AHI1: variants seen among roughly 807,000 people sequenced by gnomAD.
AHI1 encodes Abelson helper integration site 1, also known as jouberin.
In AHI1, 123 loss-of-function variants were observed where a neutral mutation model predicts 149.3. That is an observed-to-expected ratio of 0.82 (90% CI 0.71 to 0.96). The LOEUF (loss-of-function observed/expected upper bound fraction) is 0.96, where lower values mean the gene tolerates loss of function less well. Ranked by LOEUF, AHI1 falls within the 40% of genes least tolerant of loss-of-function variation. The pLI is 0.00. For synonymous variants in AHI1, 475 were observed against 459.8 expected (o/e 1.03, Z -0.42); for missense variants, 1,439 against 1,422.7 (o/e 1.01, Z -0.18).
intron 3 of AHI1, chr6:135,492,533 CAAAA>C (rs1004046438): frequency 2.0e-6 from 2 of 982,106 alleles, no homozygotes; most frequent in Non-Finnish European, 2.4e-6. Context: ...ATATTTGAAA[CAAAA>C]AAAACATTTT....
At chr6:135,394,237 C>T (rs2614265) in intron 23 of AHI1, among the ~76,000 whole-genome samples, 90,243 of 151,848 alleles carry the variant, frequency 0.59, 26,951 homozygotes, top group Middle Eastern at 0.71. Context: ...TTTCCTTTGA[C>T]ATCCTTTAAA....
intron 2 of AHI1, among the ~76,000 whole-genome samples, chr6:135,496,452 G>A (rs941840006): frequency 2.0e-5 from 3 of 152,154 alleles, no homozygotes; most frequent in African/African-American, 7.2e-5. Flanking sequence ...CAGCAAACAT[G>A]ATAGAATTAA....
intron 23 of AHI1, among the ~76,000 whole-genome samples, chr6:135,377,573 TG>T (rs1776131846): frequency 6.6e-6 from 1 of 151,996 alleles, no homozygotes; most frequent in African/African-American, 2.4e-5. Context: ...CTTGATCTCC[TG>T]GGCTCAAGTG....
At chr6:135,375,188 A>G (rs1775725381) in intron 23 of AHI1, among the ~76,000 whole-genome samples, 1 of 152,156 alleles carries the variant, frequency 6.6e-6, no homozygotes, top group Non-Finnish European at 1.5e-5. Context: ...CCCCAAGACA[A>G]TATATAAATT....
At chr6:135,388,055 T>C in intron 23 of AHI1, 1 of 1,613,146 alleles carries the variant, frequency 6.2e-7, no homozygotes, top group Non-Finnish European at 8.5e-7. Context: ...ATTCTTGTCG[T>C]TAAAAACTGC....
chr6:135,411,910 A>G (rs1781651574), intron 20 of AHI1, among the ~76,000 whole-genome samples: 1 of 152,192 alleles, frequency 6.6e-6, no homozygotes, highest in South Asian at 2.1e-4. Context: ...CTATTTTCAT[A>G]TTTCTGTACC....
chr6:135,345,429 T>C (rs781712402), intron 24 of AHI1, among the ~76,000 whole-genome samples: 2 of 152,136 alleles, frequency 1.3e-5, no homozygotes, highest in African/African-American at 2.4e-5. Context: ...CAAATGTCCA[T>C]CAGTGAATTA....
At chr6:135,480,679 C>G (rs1240061279) in intron 5 of AHI1, among the ~76,000 whole-genome samples, 1 of 152,108 alleles carries the variant, frequency 6.6e-6, no homozygotes, top group African/African-American at 2.4e-5. Flanking sequence ...AATGGGTTAA[C>G]CAATTTATGG....
chr6:135,393,491 T>A (rs894393912), intron 23 of AHI1, among the ~76,000 whole-genome samples: 8 of 152,116 alleles, frequency 5.3e-5, no homozygotes, highest in African/African-American at 1.7e-4. Context: ...AATGACAAGG[T>A]CTGAAGCCAA....
At chr6:135,318,683 G>A (rs182916933) in intron 25 of AHI1, 67 bp from the exon 26 acceptor site, 115 of 873,708 alleles carry the variant, frequency 1.3e-4, no homozygotes, top group Admixed American at 1.1e-3. Flanking sequence ...GAAAAACAAC[G>A]ATGGTAGGGG....
intron 3 of AHI1, among the ~76,000 whole-genome samples, chr6:135,494,881 T>C (rs868385307): frequency 1.3e-4 from 20 of 152,296 alleles, no homozygotes; most frequent in South Asian, 1.2e-3. Flanking sequence ...CTATATACTG[T>C]GTGGCATCAA....
Position 135,429,969 on chromosome 6 carries a change from G to T in AHI1, c.2405C>A (p.Pro802Gln). 1 of 1,578,486 alleles carries T rather than the reference G, an allele frequency of 6.3e-7. No individual in the cohort carries two copies. The highest frequency in any genetic ancestry group is 1.8e-5 in the Admixed American group (1 of 56,948). ...GGGATGAATCTCCAAATAACTTATT[G>T]GAATTCCCTTAAACTCAGTTTCTTT... is the stretch of plus-strand genomic sequence containing the variant. ...EIKETEFKGI[P>Q]ISYLEIHPNG... The change falls in exon 18 of 29, where the codon CCA becomes CAA. Residue 802 changes from proline (P) to glutamine (Q), a missense_variant. Pro to Gln is a moderately conservative substitution (Grantham distance 76, BLOSUM62 -1). Transcript: ENST00000265602.
intron 5 of AHI1, among the ~76,000 whole-genome samples, chr6:135,481,431 T>C (rs1793623811): frequency 6.6e-6 from 1 of 152,198 alleles, no homozygotes; most frequent in Non-Finnish European, 1.5e-5. Flanking sequence ...TCAACATCCC[T>C]AATTTAAAAT....
At chr6:135,293,876 A>C (rs1468833292) in intron 27 of AHI1, among the ~76,000 whole-genome samples, 1 of 152,256 alleles carries the variant, frequency 6.6e-6, no homozygotes, top group Non-Finnish European at 1.5e-5. Context: ...TAATTCTAAA[A>C]TTCACGTGGA....
chr6:135,440,066 G>C (rs1786038921), intron 14 of AHI1, among the ~76,000 whole-genome samples: 1 of 152,114 alleles, frequency 6.6e-6, no homozygotes, highest in Non-Finnish European at 1.5e-5. Context: ...GTTTTAACTT[G>C]CTATGTTCTC....
chr6:135,489,426 C>T (rs988330944), intron 5 of AHI1, among the ~76,000 whole-genome samples: 1 of 152,098 alleles, frequency 6.6e-6, no homozygotes, highest in Non-Finnish European at 1.5e-5. Flanking sequence ...TACTAAGAGA[C>T]AATATGAGGT....
intron 25 of AHI1, among the ~76,000 whole-genome samples, chr6:135,318,996 G>C (rs570848474): frequency 6.6e-6 from 1 of 152,326 alleles, no homozygotes; most frequent in East Asian, 1.9e-4. Flanking sequence ...GTCTTCATTA[G>C]CAAGGAGCTT....
chr6:135,348,195 G>A (rs1791544957), intron 24 of AHI1, among the ~76,000 whole-genome samples: 1 of 152,198 alleles, frequency 6.6e-6, no homozygotes, highest in South Asian at 2.1e-4. Flanking sequence ...TGGAACATTA[G>A]TAGTGGCAGA....
chr6:135,463,381 G>A, intron 7 of AHI1, 75 bp from the exon 8 acceptor site: 1 of 1,245,702 alleles, frequency 8.0e-7, no homozygotes, highest in East Asian at 2.4e-5. Flanking sequence ...GCAACAGAGT[G>A]AACAGTAAAT....
Sources: allele counts gnomAD v4.1 joint callset (sites outside exome capture counted in the v4.1 genomes callset), GRCh38; gene constraint gnomAD v4.1.1; transcripts MANE v1.5; gene names NCBI Gene and HGNC (gene_info 2026-07-23, HGNC 2026-07-21).